Variants in LRBA observed in about 807,000 individuals in gnomAD.
LRBA encodes lipopolysaccharide-responsive and beige-like anchor protein.
A neutral mutation model predicts 330.0 loss-of-function variants in LRBA; 176 were observed. That is an observed-to-expected ratio of 0.53 (90% CI 0.47 to 0.60). The LOEUF is 0.60. LRBA is among the 20% of genes least tolerant of loss of function. The pLI is 0.00. For synonymous variants in LRBA, 1,230 were observed against 1,193.0 expected, an observed-to-expected ratio of 1.03 and a Z score of -0.64; for missense variants, 3,259 against 3,444.8, an observed-to-expected ratio of 0.95 and a Z score of 1.35.
At position 150,264,984 on chromosome 4, in the gene LRBA, A is replaced by ATTTAC. The variant is rs932184535; in HGVS notation, c.*733_*737dup. ...CGCAGTAGTGAGCTTTGGTACTTGC[A>ATTTAC]TTTACTTTAAAAGAAAAACAAATGT... On this transcript the variant is annotated 3_prime_UTR_variant, in exon 57 of 57. Coordinates refer to ENST00000651943, the MANE Select transcript of LRBA (RefSeq NM_001364905.1). The ATTTAC allele has an allele frequency of 2.0e-4, 31 of 152,778 alleles. 1 individual carries two copies. Among genetic ancestry groups the ATTTAC allele is most frequent in the Admixed American group, 1.2e-3 (18 of 15,300 alleles). 9.5% of individuals were successfully genotyped at this position (152,778 alleles called of 1,614,324 possible).
chr4:150,694,310 G>C (rs1784417552), intron 36 of LRBA, among the ~76,000 whole-genome samples: 1 of 151,816 alleles, frequency 6.6e-6, no homozygotes, highest in Non-Finnish European at 1.5e-5. Context: ...TTCTCAATTT[G>C]TCTCAAAATC....
intron 4 of LRBA, among the ~76,000 whole-genome samples, chr4:150,926,931 C>T (rs570047776): frequency 3.3e-5 from 5 of 151,844 alleles, no homozygotes; most frequent in South Asian, 4.2e-4. Flanking sequence ...GTTAGCCAGG[C>T]GTGGTGGTGT....
intron 35 of LRBA, among the ~76,000 whole-genome samples, chr4:150,744,060 G>A (rs1732371902): frequency 6.6e-6 from 1 of 151,992 alleles, no homozygotes; most frequent in Non-Finnish European, 1.5e-5. Context: ...GACATCATCA[G>A]GGTATTTTTT....
At chr4:150,688,544 C>T (rs1279036414) in intron 36 of LRBA, among the ~76,000 whole-genome samples, 2 of 152,092 alleles carry the variant, frequency 1.3e-5, no homozygotes, top group African/African-American at 4.8e-5. Context: ...AAAATTTTTC[C>T]AATCTATCCA....
rs1202168770 is a variant in LRBA at position 150,315,583 on chromosome 4, T to C, written c.7671A>G (p.Pro2557=). 1 of 1,612,590 alleles carries C rather than the reference T, an allele frequency of 6.2e-7. No individual in the cohort carries two copies. The highest frequency in any genetic ancestry group is 8.5e-7 in the Non-Finnish European group (1 of 1,179,216). ...GACCTATGAGAGGATCGATTTCCAC[T>C]GGCAGCTGGTATGGCTGGTCTTGTA... The part of the protein sequence containing the change: ...GAVQDQPYQL[P]VEIDPLIASN... Residue 2557 remains proline, a synonymous_variant, in exon 51 of 57, where the codon CCA becomes CCG. Coordinates refer to ENST00000651943, the MANE Select transcript of LRBA (RefSeq NM_001364905.1).
intron 34 of LRBA, among the ~76,000 whole-genome samples, chr4:150,777,997 A>C (rs931408805): frequency 5.2e-5 from 7 of 133,612 alleles, no homozygotes; most frequent in Admixed American, 1.6e-4. Flanking sequence ...AAAAAAAAAA[A>C]AACTAGGCAA....
intron 34 of LRBA, among the ~76,000 whole-genome samples, chr4:150,782,302 A>G (rs1020380820): frequency 6.6e-6 from 1 of 152,220 alleles, no homozygotes; most frequent in Non-Finnish European, 1.5e-5. Flanking sequence ...ATTACTGGAT[A>G]TATTAGTTTC....
At chr4:150,278,027 G>T (rs1271550995) in intron 55 of LRBA, 23 bp from the exon 56 acceptor site, 2 of 1,607,024 alleles carry the variant, frequency 1.2e-6, no homozygotes, top group South Asian at 2.2e-5. Flanking sequence ...GCAACATTCA[G>T]TAGAAATGTG....
chr4:150,462,334 C>G (rs747905709), intron 44 of LRBA, among the ~76,000 whole-genome samples: 9 of 151,526 alleles, frequency 5.9e-5, no homozygotes, highest in Non-Finnish European at 1.0e-4. Flanking sequence ...TAAATGAGGA[C>G]TTTTGCAATA....
At chr4:150,549,671 T>C (rs1352748019) in intron 40 of LRBA, among the ~76,000 whole-genome samples, 1 of 152,204 alleles carries the variant, frequency 6.6e-6, no homozygotes, top group East Asian at 1.9e-4. Flanking sequence ...ATTATATCAG[T>C]TGAGAATTAT....
chr4:150,483,355 A>C (rs1757509167), intron 42 of LRBA, among the ~76,000 whole-genome samples: 1 of 152,008 alleles, frequency 6.6e-6, no homozygotes. Context: ...ATATGAGTCT[A>C]TCCTTAAATA....
chr4:150,300,367 T>A lies in LRBA; in HGVS notation c.8017+2258A>T, dbSNP rs112512028. On this transcript the variant is annotated intron_variant, in intron 53 of 56. Transcript: ENST00000651943. ...TATTATTCTTTTATTGTTTTTCTTT[T>A]CATTGCTAGCATTACTAGGAGGTAA... Among the ~76,000 whole-genome samples the A allele has an allele frequency of 5.1e-3, 774 of 152,208 alleles. 7 individuals are homozygous for A. The highest frequency in any genetic ancestry group is 0.018 in the African/African-American group (741 of 41,560).
At chr4:150,267,212 C>T (rs918925743) in intron 56 of LRBA, among the ~76,000 whole-genome samples, 5 of 152,186 alleles carry the variant, frequency 3.3e-5, no homozygotes, top group African/African-American at 1.2e-4. Context: ...GTATATAGAA[C>T]ACCTTCCCAA....
intron 53 of LRBA, among the ~76,000 whole-genome samples, chr4:150,289,479 A>G (rs1748580118): frequency 6.6e-6 from 1 of 152,228 alleles, no homozygotes; most frequent in Non-Finnish European, 1.5e-5. Context: ...AAAAGAAATT[A>G]AAAGCATAAG....
Position 150,897,734 on chromosome 4 carries a change from C to T in LRBA, c.2004+5G>A. The T allele has an allele frequency of 6.2e-7, 1 of 1,602,810 alleles. No individual in the cohort carries two copies. Among genetic ancestry groups the T allele is most frequent in the Non-Finnish European group, 8.5e-7 (1 of 1,170,448 alleles). Reference sequence around the variant, plus strand: ...TATGCTATGGAATAAGCAACGTGAACTCACCTTCATCACTAATTGCTTAAT... The same window carrying T: ...TATGCTATGGAATAAGCAACGTGAATTCACCTTCATCACTAATTGCTTAAT... On this transcript the variant is annotated splice_donor_5th_base_variant and intron_variant, in intron 15 of 56. Transcript: ENST00000651943.
chr4:150,848,778 A>AT, intron 26 of LRBA, 40 bp downstream of exon 26: 25 of 1,515,498 alleles, frequency 1.6e-5, no homozygotes, highest in South Asian at 2.5e-5. Context: ...TTACTGAAAA[A>AT]TTTTTTTTAG....
chr4:150,420,142 AT>A (rs1748433681), intron 46 of LRBA, among the ~76,000 whole-genome samples: 1 of 150,110 alleles, frequency 6.7e-6, no homozygotes, highest in Non-Finnish European at 1.5e-5. Flanking sequence ...TATTCGAGAG[AT>A]TGATGTGGGA....
intron 40 of LRBA, among the ~76,000 whole-genome samples, chr4:150,569,829 AG>A (rs1231401154): frequency 6.6e-6 from 1 of 152,162 alleles, no homozygotes; most frequent in Admixed American, 6.6e-5. Context: ...AATACCACAG[AG>A]AAAATTAAAC....
chr4:150,656,044 G>A (rs1388062906), intron 37 of LRBA, among the ~76,000 whole-genome samples: 1 of 152,142 alleles, frequency 6.6e-6, no homozygotes, highest in Non-Finnish European at 1.5e-5. Flanking sequence ...TGTGTGATCA[G>A]ATTCTGGGTT....
Sources: gnomAD v4.1 joint callset for allele counts (sites outside exome capture counted in the v4.1 genomes callset) on GRCh38, gnomAD v4.1.1 for gene constraint, MANE v1.5 for transcripts, NCBI Gene and HGNC (gene_info 2026-07-23, HGNC 2026-07-21) for gene names.